The following PLS3 variants were observed in gnomAD, a reference collection of about 807,000 sequenced individuals.
PLS3 encodes plastin 3.
Under a neutral mutation model 46.5 loss-of-function variants are expected in PLS3, and 11 were observed. The ratio of observed to expected loss-of-function variants is 0.24; its 90% CI spans 0.15 to 0.39. The LOEUF (loss-of-function observed/expected upper bound fraction) is 0.39. PLS3 is among the 10% of genes least tolerant of loss of function. The pLI is 1.00. For synonymous variants in PLS3, 167 were observed against 162.2 expected (o/e 1.03, Z -0.22); for missense variants, 308 against 461.8 (o/e 0.67, Z 3.05).
chrX:115,611,442 G>C (rs371786318), intron 2 of PLS3, among the ~76,000 whole-genome samples: 1 of 112,429 alleles, frequency 8.9e-6, no homozygotes, highest in Non-Finnish European at 1.9e-5. Context: ...ATATATAACA[G>C]CAAGTGAATT....
At chrX:115,622,632 T>C (rs782361212) in intron 3 of PLS3, among the ~76,000 whole-genome samples, 1 of 111,589 alleles carries the variant, frequency 9.0e-6, no homozygotes, top group Non-Finnish European at 1.9e-5. Flanking sequence ...AGATATAACA[T>C]GATAAGATGT....
At chrX:115,595,060 T>C (rs2074375517) in intron 1 of PLS3, among the ~76,000 whole-genome samples, 1 of 111,940 alleles carries the variant, frequency 8.9e-6, no homozygotes, top group African/African-American at 3.2e-5. Flanking sequence ...TTGCATTAAA[T>C]AGCTGCAAAA....
chrX:115,591,188 A>G (rs1390808392), intron 1 of PLS3, among the ~76,000 whole-genome samples: 3 of 112,797 alleles, frequency 2.7e-5, no homozygotes, highest in African/African-American at 9.7e-5. Flanking sequence ...AGCATTTACT[A>G]AGTAGAAGAT....
intron 11 of PLS3, among the ~76,000 whole-genome samples, chrX:115,645,586 A>G (rs1253246133): frequency 9.0e-6 from 1 of 111,642 alleles, no homozygotes; most frequent in Non-Finnish European, 1.9e-5. Flanking sequence ...TCAGCCTGGA[A>G]CGTTCTTTGC....
chrX:115,591,293 G>A (rs782294273), intron 1 of PLS3, among the ~76,000 whole-genome samples: 26 of 112,454 alleles, frequency 2.3e-4, no homozygotes, highest in African/African-American at 6.8e-4. Context: ...AGTGACTTTA[G>A]AATTAGTAAC....
chrX:115,648,223 C>T (rs1464018796), intron 15 of PLS3, among the ~76,000 whole-genome samples: 1 of 111,483 alleles, frequency 9.0e-6, no homozygotes, highest in Middle Eastern at 4.3e-3. Context: ...AAGAGCCTAG[C>T]CTTGTGCTTG....
At chrX:115,607,064 G>T (rs918883435) in intron 1 of PLS3, among the ~76,000 whole-genome samples, 1 of 110,359 alleles carries the variant, frequency 9.1e-6, no homozygotes, top group Non-Finnish European at 1.9e-5. Flanking sequence ...ATCAGCCAGG[G>T]CAAAATGGTG....
intron 4 of PLS3, 71 bp downstream of exon 4, chrX:115,629,398 G>A: frequency 1.1e-6 from 1 of 932,921 alleles, no homozygotes; most frequent in Non-Finnish European, 1.5e-6. Flanking sequence ...TCAAGGACGG[G>A]CTCTAGAAAA....
chrX:115,609,023 C>A (rs781975521), intron 1 of PLS3, among the ~76,000 whole-genome samples: 2 of 109,300 alleles, frequency 1.8e-5, no homozygotes, highest in South Asian at 8.1e-4. Context: ...TCCCTTGATC[C>A]CAGGAGTTAG....
chrX:115,610,495 T>C (rs1329131769), intron 2 of PLS3, among the ~76,000 whole-genome samples, 172 bp downstream of exon 2: 1 of 109,851 alleles, frequency 9.1e-6, no homozygotes, highest in Non-Finnish European at 1.9e-5. Context: ...TTCTTTTTTT[T>C]TTTTTTGGTC....
At position 115,599,530 on chromosome X, in the gene PLS3, A is replaced by G. The variant is rs1304840998; in HGVS notation, c.-8-10713A>G. On this transcript the variant is annotated intron_variant, in intron 1 of 15. Coordinates refer to ENST00000355899, the MANE Select transcript of PLS3 (RefSeq NM_005032.7). ...AGCAAGACTCTATCTCAAAAAAAAA[A>G]AAAAAAGGAAAGAGGGAAAAAACAG... Among the ~76,000 whole-genome samples the G allele has an allele frequency of 4.8e-5, 5 of 105,130 alleles. No homozygotes were observed. In the East Asian group the frequency reaches 1.5e-3, roughly 31 times the overall value. 91.3% of individuals were successfully genotyped at this position (105,130 alleles called of 115,157 possible). A position where few individuals can be genotyped will look rare whatever the true frequency, so the allele number is the denominator to read the frequency against.
chrX:115,587,669 A>G (rs1556632628), intron 1 of PLS3, among the ~76,000 whole-genome samples: 1 of 106,794 alleles, frequency 9.4e-6, no homozygotes, highest in East Asian at 3.0e-4. Context: ...AGGGAGGCGG[A>G]GCTTGCAGTG....
At position 115,639,901 on chromosome X, in the gene PLS3, T is replaced by TA. The variant is rs2147566788; in HGVS notation, c.892-506dup. On this transcript the variant is annotated intron_variant, in intron 8 of 15. Coordinates refer to ENST00000355899, the MANE Select transcript of PLS3 (RefSeq NM_005032.7). ...ATTCAGATCATAGAGGGTTCAGTGT[T>TA]ATTTTAGCAACTAAAATGTTTACCA... 3 of 436,055 alleles carry TA rather than the reference T, an allele frequency of 6.9e-6. No individual in the cohort carries two copies. The South Asian group carries it at 9.8e-5, about 14-fold the overall frequency. The allele number at this position is 436,055 out of a possible 1,213,427, so 35.9% of individuals were successfully genotyped here.
rs138452693 is a variant in PLS3, at chrX:115,608,894, C to T, written c.-8-1349C>T. ...ACACTTGGCTGTATTTGGGAACTCT[C>T]TGTAACTTCTGCTTGATTTTGCTGT... On this transcript the variant is annotated intron_variant, in intron 1 of 15. Transcript: ENST00000355899. 6.1e-3 allele frequency among the ~76,000 whole-genome samples: 671 copies of T among 109,652 alleles called. 5 individuals are homozygous for T. Among genetic ancestry groups the T allele is most frequent in the African/African-American group, 0.021 (640 of 30,137 alleles).
chrX:115,614,694 G>T (rs1260536006), intron 2 of PLS3, among the ~76,000 whole-genome samples: 2 of 111,875 alleles, frequency 1.8e-5, no homozygotes, highest in African/African-American at 3.2e-5. Flanking sequence ...TCTTTTGACC[G>T]AGTCTTTTAA....
At position 115,640,653 on chromosome X, in the gene PLS3, C is replaced by T. The variant is rs2074885527; in HGVS notation, c.987+150C>T. On this transcript the variant is annotated intron_variant, in intron 9 of 15. Transcript: ENST00000355899. ...ATTACTGTACATGTAATTCAGAGGCCAGAAAACTAGCTTTGATTTATTTTG... is the reference window on the plus strand; with the variant it reads ...ATTACTGTACATGTAATTCAGAGGCTAGAAAACTAGCTTTGATTTATTTTG... 1.1e-5 allele frequency: 4 copies of T among 373,519 alleles called. No individual in the cohort carries two copies. The Admixed American group carries it at 1.9e-4, about 18-fold the overall frequency. The allele number at this position is 373,519 out of a possible 1,213,427, so 30.8% of individuals were successfully genotyped here. A position where few individuals can be genotyped will look rare whatever the true frequency, so the allele number is the denominator to read the frequency against.
In PLS3 at chrX:115,567,641, T is replaced by C. The variant is rs1008348098; in HGVS notation, c.-9+6381T>C. The stretch of plus-strand genomic sequence containing the variant: ...AACAAACAAAAAAAAACAGAAAATG[T>C]GGGAAGTTAAGTTGAAAAATAAACA... On this transcript the variant is annotated intron_variant, in intron 1 of 15. Transcript: ENST00000355899. Among the ~76,000 whole-genome samples, 3 of 107,834 alleles carry C rather than the reference T, an allele frequency of 2.8e-5. No individual in the cohort carries two copies. In the East Asian group the frequency reaches 8.7e-4, roughly 31 times the overall value. The allele number at this position is 107,834 out of a possible 115,157, so 93.6% of individuals were successfully genotyped here. A position where few individuals can be genotyped will look rare whatever the true frequency, so the allele number is the denominator to read the frequency against.
chrX:115,635,650 CAAA>C (rs10606256), intron 7 of PLS3, among the ~76,000 whole-genome samples: 4,800 of 21,165 alleles, frequency 0.23, 142 homozygotes, highest in African/African-American at 0.35. Flanking sequence ...GACTCTGTCT[CAAA>C]AAAAAAAAAA....
chrX:115,578,691 CAAAAAAAAAA>C (rs373605509), intron 1 of PLS3, among the ~76,000 whole-genome samples: 1 of 26,968 alleles, frequency 3.7e-5, no homozygotes, highest in African/African-American at 1.3e-4. Context: ...CGCCACTGCA[CAAAAAAAAAA>C]AAAAAAAAAA....
Sources: allele counts gnomAD v4.1 joint callset (sites outside exome capture counted in the v4.1 genomes callset), GRCh38; gene constraint gnomAD v4.1.1; transcripts MANE v1.5; gene names NCBI Gene and HGNC (gene_info 2026-07-23, HGNC 2026-07-21).